COL22A1: variants seen among roughly 807,000 people sequenced by gnomAD.
The protein encoded by COL22A1 is collagen alpha-1(XXII) chain.
In COL22A1, 221 loss-of-function variants were observed where a neutral mutation model predicts 248.9. The observed-to-expected ratio is 0.89, with a 90% CI of 0.80 to 0.99. COL22A1 has a LOEUF of 0.99. Among genes scored for constraint, COL22A1 ranks in the 50% least tolerant of loss-of-function variants. The pLI, the probability that COL22A1 is intolerant of heterozygous loss-of-function variation, is 0.00. For synonymous variants in COL22A1, 891 were observed against 793.4 expected (o/e 1.12, Z -2.07); for missense variants, 2,240 against 2,179.0 (o/e 1.03, Z -0.56).
rs776087056 is a variant in COL22A1, at chr8:138,833,078, T to C, written c.806A>G (p.Tyr269Cys). The C allele has an allele frequency of 5.0e-6, 8 of 1,613,900 alleles. No individual in the cohort carries two copies. The highest frequency in any genetic ancestry group is 3.3e-5 in the South Asian group (3 of 91,080). The change falls in exon 5 of 65, where the codon TAT becomes TGT. Residue 269 changes from tyrosine (Y) to cysteine (C), a missense_variant. Physicochemically the swap from Tyr to Cys is radical, Grantham distance 194. Coordinates refer to ENST00000303045, the MANE Select transcript of COL22A1 (RefSeq NM_152888.3). ...GKRENGAQSS[Y>C]VRMGSFPVVQ... ...CACAGGGAAGGATCCCATCCGTACA[T>C]AGGAACTCTGAGCTCCATTCTCTCT...
intron 41 of COL22A1, among the ~76,000 whole-genome samples, chr8:138,668,453 T>A (rs1403413738): frequency 3.3e-5 from 5 of 152,198 alleles, no homozygotes; most frequent in Non-Finnish European, 7.3e-5. Context: ...TTACATCTGA[T>A]ACACATGCAC....
chr8:138,800,850 G>C (rs1195570585), intron 11 of COL22A1, among the ~76,000 whole-genome samples: 1 of 152,194 alleles, frequency 6.6e-6, no homozygotes, highest in Non-Finnish European at 1.5e-5. Context: ...CCCAGACATG[G>C]AGGAGAGGAA....
intron 45 of COL22A1, among the ~76,000 whole-genome samples, chr8:138,654,126 A>G (rs912209601): frequency 6.6e-6 from 1 of 152,214 alleles, no homozygotes; most frequent in African/African-American, 2.4e-5. Flanking sequence ...TATTATTGAC[A>G]TAAAGATTGG....
chr8:138,651,292 G>A lies in COL22A1; in HGVS notation c.3334-1514C>T, dbSNP rs142288422. ...TTTTATTCCATCCTCTCTCCACCAGGCAAACAGAAGGTGTAAGCACTCAGA... is the reference window on the plus strand; with the variant it reads ...TTTTATTCCATCCTCTCTCCACCAGACAAACAGAAGGTGTAAGCACTCAGA... On this transcript the variant is annotated intron_variant, in intron 45 of 64. Coordinates refer to ENST00000303045, the MANE Select transcript of COL22A1 (RefSeq NM_152888.3). Among the ~76,000 whole-genome samples the A allele has an allele frequency of 2.3e-3, 354 of 152,222 alleles. 1 individual carries two copies. Among genetic ancestry groups the A allele is most frequent in the African/African-American group, 8.3e-3 (343 of 41,530 alleles).
intron 44 of COL22A1, among the ~76,000 whole-genome samples, chr8:138,658,287 C>T (rs72727859): frequency 0.023 from 3,466 of 152,304 alleles, 62 homozygotes; most frequent in Middle Eastern, 0.048. Context: ...TGGGAATTAC[C>T]TCTACGCCCT....
intron 26 of COL22A1, 53 bp downstream of exon 26, chr8:138,721,983 T>C (rs1309433383): frequency 2.2e-6 from 3 of 1,340,984 alleles, no homozygotes; most frequent in South Asian, 1.2e-5. Context: ...AGCATCTCTT[T>C]AGTTTCTGTG....
chr8:138,805,492 GGT>G (rs369661772), intron 10 of COL22A1, among the ~76,000 whole-genome samples: 17 of 88,270 alleles, frequency 1.9e-4, no homozygotes, highest in South Asian at 4.3e-4. Context: ...GGCATGTGAT[GGT>G]GTGTGTGTGT....
intron 35 of COL22A1, among the ~76,000 whole-genome samples, chr8:138,691,443 G>A (rs1446025003): frequency 6.7e-6 from 1 of 150,292 alleles, no homozygotes; most frequent in African/African-American, 2.5e-5. Context: ...TTGTGAAGGT[G>A]TGTGTATGTG....
intron 1 of COL22A1, among the ~76,000 whole-genome samples, chr8:138,897,467 T>C (rs1184133624): frequency 6.6e-6 from 1 of 151,988 alleles, no homozygotes; most frequent in Admixed American, 6.6e-5. Flanking sequence ...GAGAATCGCT[T>C]AAACCCAGGA....
At chr8:138,911,962 A>C (rs757447974) in intron 1 of COL22A1, among the ~76,000 whole-genome samples, 3 of 152,206 alleles carry the variant, frequency 2.0e-5, no homozygotes, top group Non-Finnish European at 4.4e-5. Flanking sequence ...ACAGTTGCGC[A>C]GTGCCTCAGT....
At chr8:138,804,988 T>C in intron 10 of COL22A1, among the ~76,000 whole-genome samples, 2 of 143,972 alleles carry the variant, frequency 1.4e-5, no homozygotes, top group South Asian at 4.5e-4. Context: ...GTGGTGTGTG[T>C]GTGATGGTGT....
At position 138,716,856 on chromosome 8, in the gene COL22A1, T is replaced by C. The variant is rs148507748; in HGVS notation, c.2369A>G (p.Glu790Gly). The C allele has an allele frequency of 3.6e-5, 58 of 1,611,750 alleles. No individual in the cohort carries two copies. In the African/African-American group the frequency reaches 7.2e-4, roughly 20 times the overall value. ...GKPGLRGEIG[E>G]QGLAGRPGEK... ...TCCAGGTCGGCCTGCCAGGCCCTGC[T>C]CCCCAATTTCTCCCTGAAAATGCAA... The change falls in exon 28 of 65, where the codon GAG becomes GGG. Residue 790 changes from glutamate (E) to glycine (G), a missense_variant. By Grantham distance (98) the Glu-to-Gly change is moderately conservative (BLOSUM62 -2). Transcript: ENST00000303045.
At chr8:138,744,993 C>G (rs1831989692) in intron 22 of COL22A1, among the ~76,000 whole-genome samples, 1 of 152,066 alleles carries the variant, frequency 6.6e-6, no homozygotes, top group African/African-American at 2.4e-5. Flanking sequence ...ATCAGATGAA[C>G]CAAAGAGGTT....
chr8:138,689,262 G>T (rs201319185), intron 36 of COL22A1, among the ~76,000 whole-genome samples: 16 of 152,102 alleles, frequency 1.1e-4, no homozygotes, highest in South Asian at 2.1e-4. Flanking sequence ...CTATCAGAAG[G>T]CGTGGCCTGG....
chr8:138,681,323 A>G lies in COL22A1; in HGVS notation c.3013-1647T>C, dbSNP rs185231099. ...CTGCCTGTGAGTTAGGTAGTAATACACTCTGAGCCTACCCATCAGTGGATC... is the reference window on the plus strand; with the variant it reads ...CTGCCTGTGAGTTAGGTAGTAATACGCTCTGAGCCTACCCATCAGTGGATC... On this transcript the variant is annotated intron_variant, in intron 39 of 64. Transcript: ENST00000303045. Among the ~76,000 whole-genome samples, 4 of 152,128 alleles carry G rather than the reference A, an allele frequency of 2.6e-5. No homozygotes were observed. The East Asian group carries it at 7.8e-4, about 29-fold the overall frequency.
chr8:138,652,004 C>A (rs1822780503), intron 45 of COL22A1, among the ~76,000 whole-genome samples: 2 of 152,190 alleles, frequency 1.3e-5, no homozygotes, highest in Non-Finnish European at 2.9e-5. Context: ...CCCAGACCTA[C>A]CTGTGAGGGA....
At chr8:138,693,832 G>A (rs1014464011) in intron 34 of COL22A1, 133 bp from the exon 35 acceptor site, 26 of 859,576 alleles carry the variant, frequency 3.0e-5, no homozygotes, top group East Asian at 8.0e-5. Flanking sequence ...CGGGAGCACC[G>A]TCTAAAAGGT....
At position 138,592,780 on chromosome 8, in the gene COL22A1, C is replaced by G. The variant is rs528463555; in HGVS notation, c.4615+1237G>C. Among the ~76,000 whole-genome samples, 3 of 152,178 alleles carry G rather than the reference C, an allele frequency of 2.0e-5. No individual in the cohort carries two copies. The East Asian group carries it at 5.8e-4, about 29-fold the overall frequency. On this transcript the variant is annotated intron_variant, in intron 63 of 64. Coordinates refer to ENST00000303045, the MANE Select transcript of COL22A1 (RefSeq NM_152888.3). ...ATGGGGCTGGTCTCCTGTCTTTTAT[C>G]TTTATTTGAAATTGCCTTATTCAAA...
At chr8:138,859,320 A>C (rs1202993459) in intron 3 of COL22A1, among the ~76,000 whole-genome samples, 4 of 152,190 alleles carry the variant, frequency 2.6e-5, no homozygotes, top group African/African-American at 9.6e-5. Context: ...TCAGCCCTCC[A>C]CCTTGTCAGG....
Sources: allele counts gnomAD v4.1 joint callset (sites outside exome capture counted in the v4.1 genomes callset), GRCh38; gene constraint gnomAD v4.1.1; transcripts MANE v1.5; gene names NCBI Gene and HGNC (gene_info 2026-07-23, HGNC 2026-07-21).